MYLIP: variants seen among roughly 807,000 people sequenced by gnomAD.
The protein encoded by MYLIP is myosin regulatory light chain interacting protein.
Under a neutral mutation model 45.8 loss-of-function variants are expected in MYLIP, and 26 were observed. That is an observed-to-expected ratio of 0.57 (90% confidence interval 0.42 to 0.79). The LOEUF is 0.79. MYLIP is among the 30% of genes least tolerant of loss of function. The pLI is 0.00. For synonymous variants in MYLIP, 213 were observed against 218.1 expected (o/e 0.98, Z 0.21); for missense variants, 494 against 555.6 (o/e 0.89, Z 1.11).
chr6:16,154,638 G>A, the MYLIP span, among the ~76,000 whole-genome samples: 1 of 152,176 alleles, frequency 6.6e-6, no homozygotes, highest in South Asian at 2.1e-4. Flanking sequence ...ACCATCCGAA[G>A]GGACAAAATG....
At chr6:16,140,089 A>G (rs1759637400) in intron 2 of MYLIP, among the ~76,000 whole-genome samples, 1 of 152,200 alleles carries the variant, frequency 6.6e-6, no homozygotes, top group Admixed American at 6.5e-5. Context: ...GGAATGTCAG[A>G]CACAGATATA....
chr6:16,140,704 G>C (rs1026163724), intron 2 of MYLIP, among the ~76,000 whole-genome samples: 3 of 152,128 alleles, frequency 2.0e-5, no homozygotes, highest in Non-Finnish European at 4.4e-5. Flanking sequence ...CCTATCCTGG[G>C]GCATAGCAGC....
intron 2 of MYLIP, among the ~76,000 whole-genome samples, chr6:16,135,905 AAT>A (rs935273507): frequency 6.6e-6 from 1 of 150,412 alleles, no homozygotes; most frequent in Non-Finnish European, 1.5e-5. Context: ...TTCTAATATT[AAT>A]AGTTTACTCT....
At position 16,146,867 on chromosome 6, in the gene MYLIP, TAAA is replaced by T. The variant is rs35112615; in HGVS notation, c.*128_*130del. 1,328 of 612,216 alleles carry T rather than the reference TAAA, an allele frequency of 2.2e-3. No individual in the cohort carries two copies. The highest frequency in any genetic ancestry group is 3.3e-3 in the South Asian group (109 of 33,186). 37.9% of individuals were successfully genotyped at this position (612,216 alleles called of 1,614,324 possible). On this transcript the variant is annotated 3_prime_UTR_variant, in exon 7 of 7. Coordinates refer to ENST00000356840, the MANE Select transcript of MYLIP (RefSeq NM_013262.4). ...CCAACACCCATCTGCCATGCGATGT[TAAA>T]AAAAAAAAAAAGGAAGAAAAATAAC...
chr6:16,144,853 C>A, intron 5 of MYLIP, 44 bp from the exon 6 acceptor site: 1 of 1,569,340 alleles, frequency 6.4e-7, no homozygotes. Flanking sequence ...AGGGTGCTGC[C>A]AGGCTCTTTG....
intron 6 of MYLIP, among the ~76,000 whole-genome samples, chr6:16,146,161 G>A (rs1433806615): frequency 2.6e-5 from 4 of 152,156 alleles, no homozygotes; most frequent in Admixed American, 6.5e-5. Context: ...TGATGGGCAC[G>A]GGCTTTCTGA....
intron 3 of MYLIP, 108 bp downstream of exon 3, chr6:16,141,918 T>C: frequency 2.8e-6 from 3 of 1,074,636 alleles, no homozygotes; most frequent in Non-Finnish European, 3.9e-6. Flanking sequence ...TTTATGTACA[T>C]TTTTGAGCTC....
intron 2 of MYLIP, among the ~76,000 whole-genome samples, chr6:16,135,781 A>ATATATATATATATG (rs1759543797): frequency 6.9e-6 from 1 of 144,202 alleles, no homozygotes; most frequent in Non-Finnish European, 1.5e-5. Flanking sequence ...ATATATATGT[A>ATATATATATATATG]TGCTATATAT....
At chr6:16,142,617 G>T (rs575410254) in intron 3 of MYLIP, among the ~76,000 whole-genome samples, 1 of 152,334 alleles carries the variant, frequency 6.6e-6, no homozygotes, top group African/African-American at 2.4e-5. Context: ...TGGCCTCCAT[G>T]CCAGGTTGAC....
the MYLIP span, among the ~76,000 whole-genome samples, chr6:16,155,773 C>G: frequency 1.3e-5 from 2 of 152,192 alleles, no homozygotes; most frequent in African/African-American, 4.8e-5. Flanking sequence ...GGCCCCGTGG[C>G]AGCATCTAGT....
intron 1 of MYLIP, among the ~76,000 whole-genome samples, chr6:16,130,003 G>T (rs551881707): frequency 6.6e-6 from 1 of 152,336 alleles, no homozygotes; most frequent in African/African-American, 2.4e-5. Flanking sequence ...AACAGTGAGG[G>T]AGATCGGTGC....
the MYLIP span, chr6:16,163,645 CTTGT>C: frequency 5.3e-5 from 8 of 152,214 alleles, no homozygotes; most frequent in African/African-American, 1.9e-4. Flanking sequence ...CTTCCCATGA[CTTGT>C]TTGTTGTCTT....
chr6:16,136,508 T>G (rs1711710357), intron 2 of MYLIP, among the ~76,000 whole-genome samples: 1 of 152,252 alleles, frequency 6.6e-6, no homozygotes, highest in African/African-American at 2.4e-5. Context: ...TTTCCAGCTA[T>G]TATGAATAAA....
chr6:16,143,555 C>G, intron 4 of MYLIP, 144 bp from the exon 5 acceptor site: 1 of 830,146 alleles, frequency 1.2e-6, no homozygotes, highest in Non-Finnish European at 1.8e-6. Context: ...TACAATAAGG[C>G]AGCATTATGG....
Position 16,145,082 on chromosome 6 carries a change from T to TC in MYLIP, c.1014dup (p.Val339ArgfsTer71), listed in dbSNP as rs1272328493. ...CTGTACAATGCTGGCGTTGTGGACC[T>TC]CGTTTCAAGAAACAACCAGAGCCCT... is the stretch of plus-strand genomic sequence containing the variant. On this transcript the variant is annotated frameshift_variant, in exon 6 of 7. Coordinates refer to ENST00000356840, the MANE Select transcript of MYLIP (RefSeq NM_013262.4). LOFTEE classifies it high-confidence loss of function. The TC allele has an allele frequency of 6.2e-7, 1 of 1,614,216 alleles. No homozygotes were observed. The highest frequency in any genetic ancestry group is 8.5e-7 in the Non-Finnish European group (1 of 1,180,026).
chr6:16,153,005 A>G (rs1239100118), downstream of MYLIP, among the ~76,000 whole-genome samples: 1 of 151,976 alleles, frequency 6.6e-6, no homozygotes, highest in Non-Finnish European at 1.5e-5. Flanking sequence ...GGTAACCCCT[A>G]CTCCCAGCCC....
At chr6:16,150,760 G>A (rs1172432167), downstream of MYLIP, among the ~76,000 whole-genome samples, 2 of 152,116 alleles carry the variant, frequency 1.3e-5, no homozygotes, top group Non-Finnish European at 2.9e-5. Flanking sequence ...TACAAGACTT[G>A]AACAAAATCA....
chr6:16,155,544 G>A, the MYLIP span, among the ~76,000 whole-genome samples: 2 of 152,240 alleles, frequency 1.3e-5, no homozygotes, highest in African/African-American at 4.8e-5. Context: ...AATTCTATGG[G>A]GAGATGACAG....
downstream of MYLIP, among the ~76,000 whole-genome samples, chr6:16,150,779 T>G (rs1355092144): frequency 1.3e-5 from 2 of 152,192 alleles, no homozygotes; most frequent in African/African-American, 4.8e-5. Flanking sequence ...CATTCTTTGG[T>G]CTTTTTATTA....
Sources: gnomAD v4.1 joint callset for allele counts (sites outside exome capture counted in the v4.1 genomes callset) on GRCh38, gnomAD v4.1.1 for gene constraint, MANE v1.5 for transcripts, NCBI Gene and HGNC (gene_info 2026-07-23, HGNC 2026-07-21) for gene names.